ZNHIT6: variants seen among roughly 807,000 people sequenced by gnomAD.
ZNHIT6 encodes zinc finger HIT-type containing 6.
Under a neutral mutation model 57.2 loss-of-function variants are expected in ZNHIT6, and 45 were observed. The observed-to-expected ratio is 0.79, with a 90% CI of 0.62 to 1.01. The LOEUF is 1.01. ZNHIT6 is among the 50% of genes least tolerant of loss of function. ZNHIT6 has a pLI of 0.00. For missense variants in ZNHIT6, 528 were observed against 567.3 expected (o/e 0.93, Z 0.70); for synonymous variants, 188 against 190.0 (o/e 0.99, Z 0.09).
At position 85,652,199 on chromosome 1, in the gene ZNHIT6, TC is replaced by T. The variant is rs1345592480; in HGVS notation, c.*1858del. On this transcript the variant is annotated 3_prime_UTR_variant, in exon 10 of 10. Coordinates refer to ENST00000370574, the MANE Select transcript of ZNHIT6 (RefSeq NM_017953.4). ...GACTACATCATAACAGATTTCACTG[TC>T]AAAAAATTCCTATCCACCCTCATAT... The T allele has an allele frequency of 6.6e-6, 1 of 152,198 alleles. No individual in the cohort carries two copies. Among genetic ancestry groups the T allele is most frequent in the African/African-American group, 2.4e-5 (1 of 41,446 alleles). The allele number at this position is 152,198 out of a possible 1,614,324, so 9.4% of individuals were successfully genotyped here. A position where few individuals can be genotyped will look rare whatever the true frequency, so the allele number is the denominator to read the frequency against.
At chr1:85,674,565 A>G (rs1374041979) in intron 8 of ZNHIT6, among the ~76,000 whole-genome samples, 1 of 152,218 alleles carries the variant, frequency 6.6e-6, no homozygotes, top group African/African-American at 2.4e-5. Flanking sequence ...GTTTAGTAAA[A>G]TCCTAAAATC....
chr1:85,664,341 T>C (rs1661306451), intron 8 of ZNHIT6, among the ~76,000 whole-genome samples: 1 of 152,226 alleles, frequency 6.6e-6, no homozygotes, highest in Non-Finnish European at 1.5e-5. Flanking sequence ...TAGTCTGCTG[T>C]TAATACAGTG....
intron 8 of ZNHIT6, among the ~76,000 whole-genome samples, chr1:85,663,265 A>G (rs1661274702): frequency 6.6e-6 from 1 of 152,210 alleles, no homozygotes; most frequent in Admixed American, 6.5e-5. Context: ...ATCAGGAATT[A>G]TATTTATGAT....
chr1:85,654,492 G>A (rs1570277486), intron 9 of ZNHIT6, among the ~76,000 whole-genome samples: 1 of 152,064 alleles, frequency 6.6e-6, no homozygotes, highest in East Asian at 1.9e-4. Flanking sequence ...GAGTGAATGT[G>A]GAGTGACAGA....
intron 8 of ZNHIT6, among the ~76,000 whole-genome samples, chr1:85,658,735 G>A (rs1391256028): frequency 1.3e-5 from 2 of 151,942 alleles, no homozygotes; most frequent in African/African-American, 4.8e-5. Context: ...GCTCGGCATG[G>A]TGGCACATGC....
intron 8 of ZNHIT6, among the ~76,000 whole-genome samples, chr1:85,662,429 T>G (rs1420590769): frequency 3.3e-5 from 5 of 152,182 alleles, no homozygotes. Flanking sequence ...TTTTTGATAC[T>G]TAACTATATT....
At chr1:85,658,006 A>C in intron 8 of ZNHIT6, 35 bp from the exon 9 acceptor site, 1 of 1,350,876 alleles carries the variant, frequency 7.4e-7, no homozygotes, top group Admixed American at 2.3e-5. Flanking sequence ...ACCAGGAAAC[A>C]CTCTTAATAT....
At chr1:85,663,697 G>T (rs1454288352) in intron 8 of ZNHIT6, among the ~76,000 whole-genome samples, 1 of 152,176 alleles carries the variant, frequency 6.6e-6, no homozygotes, top group Non-Finnish European at 1.5e-5. Flanking sequence ...CCTTTCTATA[G>T]TTAGTACTCT....
At chr1:85,662,101 A>G (rs1661239923) in intron 8 of ZNHIT6, among the ~76,000 whole-genome samples, 2 of 151,080 alleles carry the variant, frequency 1.3e-5, no homozygotes, top group South Asian at 4.2e-4. Flanking sequence ...TCAAAGAAAC[A>G]GGCCAAGCTC....
In ZNHIT6 at chr1:85,708,198, G is replaced by T. The variant is rs147426974; in HGVS notation, c.87C>A (p.Gly29=). 6.2e-7 allele frequency: 1 copy of T among 1,614,060 alleles called. No individual in the cohort carries two copies. Among genetic ancestry groups the T allele is most frequent in the East Asian group, 2.2e-5 (1 of 44,882 alleles). Residue 29 remains glycine (G), a synonymous_variant, in exon 1 of 10, where the codon GGC becomes GGA. Coordinates refer to ENST00000370574, the MANE Select transcript of ZNHIT6 (RefSeq NM_017953.4). ...AEGVRLSPEP[G]REGVRDLAGA... Reference sequence around the variant, plus strand: ...CTGCTAAGTCCCTTACTCCCTCCCTGCCAGGCTCTGGACTTAGCCGCACCC... The same window carrying T: ...CTGCTAAGTCCCTTACTCCCTCCCTTCCAGGCTCTGGACTTAGCCGCACCC...
chr1:85,667,924 A>G (rs1661418463), intron 8 of ZNHIT6, among the ~76,000 whole-genome samples: 2 of 130,128 alleles, frequency 1.5e-5, no homozygotes, highest in Admixed American at 8.5e-5. Context: ...ACAGAGTGAG[A>G]CTCATTCACT....
chr1:85,695,465 T>A (rs1011699485), intron 5 of ZNHIT6, among the ~76,000 whole-genome samples: 4 of 151,908 alleles, frequency 2.6e-5, no homozygotes, highest in African/African-American at 9.7e-5. Flanking sequence ...ATGAGGAAAA[T>A]GAGATATAGA....
At chr1:85,668,580 T>TAGTGAG (rs1661453587) in intron 8 of ZNHIT6, among the ~76,000 whole-genome samples, 3 of 152,216 alleles carry the variant, frequency 2.0e-5, no homozygotes, top group African/African-American at 2.4e-5. Context: ...AGTATATACT[T>TAGTGAG]AATTCTGCAC....
At position 85,650,475 on chromosome 1, in the gene ZNHIT6, A is replaced by T. The variant is rs1660871645; in HGVS notation, c.*3583T>A. 6.6e-6 allele frequency: 1 copy of T among 152,242 alleles called. No homozygotes were observed. Among genetic ancestry groups the T allele is most frequent in the African/African-American group, 2.4e-5 (1 of 41,468 alleles). The allele number at this position is 152,242 out of a possible 1,614,324, so 9.4% of individuals were successfully genotyped here. A position where few individuals can be genotyped will look rare whatever the true frequency, so the allele number is the denominator to read the frequency against. ...AGCCAATGAACTGCCCTTCATGCTGACACTATTTTGAGTTTTTGTCACTTG... is the reference window on the plus strand; with the variant it reads ...AGCCAATGAACTGCCCTTCATGCTGTCACTATTTTGAGTTTTTGTCACTTG... On this transcript the variant is annotated 3_prime_UTR_variant, in exon 10 of 10. Transcript: ENST00000370574.
rs371919257 is a variant in ZNHIT6 at position 85,707,933 on chromosome 1, T to G, written c.352A>C (p.Lys118Gln). The G allele has an allele frequency of 1.7e-5, 28 of 1,613,964 alleles. No homozygotes were observed. The African/African-American group carries it at 3.1e-4, about 18-fold the overall frequency. ...ACTAAACTACTATCCGTCTCCTGCTTCACCTCCAATACGCCTGCGTTCTCA... is the reference window on the plus strand; with the variant it reads ...ACTAAACTACTATCCGTCTCCTGCTGCACCTCCAATACGCCTGCGTTCTCA... ...KDENAGVLEV[K>Q]QETDSSLVVK... The change falls in exon 1 of 10, where the codon AAG becomes CAG. Residue 118 changes from lysine (K) to glutamine (Q), a missense_variant. Transcript: ENST00000370574.
At chr1:85,679,659 A>T (rs1298334120) in intron 6 of ZNHIT6, among the ~76,000 whole-genome samples, 1 of 148,000 alleles carries the variant, frequency 6.8e-6, no homozygotes, top group African/African-American at 2.5e-5. Flanking sequence ...ATCTTGGCTC[A>T]CTGCAACCTC....
chr1:85,679,476 T>TA (rs1661799132), intron 6 of ZNHIT6, among the ~76,000 whole-genome samples: 1 of 151,558 alleles, frequency 6.6e-6, no homozygotes, highest in African/African-American at 2.4e-5. Context: ...TTATGTATAA[T>TA]ATAGGAATAT....
At chr1:85,692,453 T>C (rs1156231351) in intron 5 of ZNHIT6, among the ~76,000 whole-genome samples, 1 of 152,202 alleles carries the variant, frequency 6.6e-6, no homozygotes, top group Non-Finnish European at 1.5e-5. Context: ...CCACACTATT[T>C]TTCTAAATCC....
At position 85,707,721 on chromosome 1, in the gene ZNHIT6, G is replaced by C. The variant is rs753902884; in HGVS notation, c.564C>G (p.Phe188Leu). The C allele has an allele frequency of 6.2e-7, 1 of 1,612,448 alleles. No homozygotes were observed. The highest frequency in any genetic ancestry group is 1.1e-5 in the South Asian group (1 of 90,746). The change falls in exon 1 of 10, where the codon TTC becomes TTG. Residue 188 changes from phenylalanine to leucine, a missense_variant. Physicochemically the swap from Phe to Leu is conservative, Grantham distance 22. Coordinates refer to ENST00000370574, the MANE Select transcript of ZNHIT6 (RefSeq NM_017953.4). Reference protein sequence around the residue: ...HGECVKEEKDFLKKEIVDDTK... With the variant: ...HGECVKEEKDLLKKEIVDDTK... ...TATCATCCACGATTTCTTTCTTCAG[G>C]AAATCCTTCTCTTCTTTTACACACT...
Sources: allele counts gnomAD v4.1 joint callset (sites outside exome capture counted in the v4.1 genomes callset), GRCh38; gene constraint gnomAD v4.1.1; transcripts MANE v1.5; gene names NCBI Gene and HGNC (gene_info 2026-07-23, HGNC 2026-07-21).